The following DCDC2 variants were observed in gnomAD, a reference collection of about 807,000 sequenced individuals.
DCDC2 encodes the protein doublecortin domain-containing protein 2.
Under a neutral mutation model 50.2 loss-of-function variants are expected in DCDC2, and 40 were observed. The observed-to-expected ratio is 0.80, with a 90% confidence interval of 0.62 to 1.04. The LOEUF (loss-of-function observed/expected upper bound fraction) is 1.04. Among genes scored for constraint, DCDC2 ranks in the 50% least tolerant of loss-of-function variants. The pLI is 0.00. For synonymous variants in DCDC2, 234 were observed against 210.6 expected (o/e 1.11, Z -0.96); for missense variants, 570 against 581.9 (o/e 0.98, Z 0.21).
chr6:24,377,467 T>G, the DCDC2 span, among the ~76,000 whole-genome samples: 3 of 152,222 alleles, frequency 2.0e-5, no homozygotes, highest in African/African-American at 7.2e-5. Flanking sequence ...AACATTTGTA[T>G]CTATTTCATA....
intron 7 of DCDC2, 27 bp downstream of exon 7, chr6:24,278,022 G>A: frequency 6.4e-7 from 1 of 1,559,642 alleles, no homozygotes; most frequent in Non-Finnish European, 8.8e-7. Context: ...TTGTATCACA[G>A]CCTTAAGATA....
intron 7 of DCDC2, among the ~76,000 whole-genome samples, chr6:24,247,617 T>C (rs142854943): frequency 0.016 from 2,450 of 152,290 alleles, 42 homozygotes; most frequent in South Asian, 0.036. Context: ...CTCACAGATA[T>C]ATGCCGAGCT....
intron 2 of DCDC2, among the ~76,000 whole-genome samples, chr6:24,350,943 T>C (rs1357452571): frequency 6.6e-6 from 1 of 152,196 alleles, no homozygotes; most frequent in Admixed American, 6.5e-5. Flanking sequence ...ATCCTCCAAC[T>C]TATCAACTTG....
Position 24,290,970 on chromosome 6 carries a change from C to T in DCDC2, c.666G>A (p.Glu222=). The T allele has an allele frequency of 6.2e-7, 1 of 1,613,910 alleles. No homozygotes were observed. Among genetic ancestry groups the T allele is most frequent in the Middle Eastern group, 1.7e-4 (1 of 6,058 alleles). ...RDKFKKLPYS[E]LLFDKSTMRR... The stretch of plus-strand genomic sequence containing the variant: ...TCATCGTTGACTTGTCAAAAAGTAA[C>T]TCACTGTAAGGCAGTTTCTTAAACT... Residue 222 remains glutamate (E), a synonymous_variant, in exon 5 of 10, where the codon GAG becomes GAA. Coordinates refer to ENST00000378454, the MANE Select transcript of DCDC2 (RefSeq NM_016356.5).
chr6:24,363,895 T>C, the DCDC2 span, among the ~76,000 whole-genome samples: 18 of 152,334 alleles, frequency 1.2e-4, 1 homozygote, highest in African/African-American at 4.3e-4. Context: ...CTTAAAATTC[T>C]TCAAATCCTT....
intron 9 of DCDC2, among the ~76,000 whole-genome samples, chr6:24,177,565 G>T (rs1294144114): frequency 1.3e-5 from 2 of 152,192 alleles, no homozygotes; most frequent in South Asian, 2.1e-4. Flanking sequence ...CAGATGGTGA[G>T]AATGTTATGG....
At chr6:24,341,260 C>T (rs1760150141) in intron 2 of DCDC2, among the ~76,000 whole-genome samples, 1 of 152,200 alleles carries the variant, frequency 6.6e-6, no homozygotes, top group Non-Finnish European at 1.5e-5. Context: ...TTGTCTCTCT[C>T]CCACGATCCT....
In DCDC2 at chr6:24,271,207, C is replaced by CAA. The variant is rs543819229; in HGVS notation, c.922+6840_922+6841dup. ...TGGGTGACAGAGTGAGACACTCCCTCAAAAAAAAAAAAAAAAAAGAGAGAG... is the reference window on the plus strand; with the variant it reads ...TGGGTGACAGAGTGAGACACTCCCTCAAAAAAAAAAAAAAAAAAAAGAGAGAG... On this transcript the variant is annotated intron_variant, in intron 7 of 9. Transcript: ENST00000378454. Among the ~76,000 whole-genome samples, 28 of 39,406 alleles carry CAA rather than the reference C, an allele frequency of 7.1e-4. 4 individuals carry two copies. The South Asian group carries it at 8.4e-3, about 12-fold the overall frequency. The allele number at this position is 39,406 out of a possible 152,430, so 25.9% of individuals were successfully genotyped here.
At chr6:24,358,969 ATATTTTATACATT>A (rs1760566839), upstream of DCDC2, among the ~76,000 whole-genome samples, 1 of 80,964 alleles carries the variant, frequency 1.2e-5, no homozygotes, top group East Asian at 3.7e-4. Flanking sequence ...TATATATTAT[ATATTTTATACATT>A]ATATATTATA....
At chr6:24,381,479 C>A in the DCDC2 span, among the ~76,000 whole-genome samples, 4 of 152,166 alleles carry the variant, frequency 2.6e-5, no homozygotes, top group Non-Finnish European at 4.4e-5. Context: ...TAAATGATTT[C>A]TGCCTCAGCG....
chr6:24,292,586 A>C (rs1437790848), intron 4 of DCDC2, among the ~76,000 whole-genome samples: 1 of 152,230 alleles, frequency 6.6e-6, no homozygotes, highest in East Asian at 1.9e-4. Context: ...CCTTAACTTA[A>C]GCTGGACATG....
intron 7 of DCDC2, among the ~76,000 whole-genome samples, chr6:24,231,117 G>A (rs190597663): frequency 5.3e-4 from 81 of 152,338 alleles, no homozygotes; most frequent in African/African-American, 1.9e-3. Flanking sequence ...AAATGGGAGC[G>A]ATGAGAAGAG....
chr6:24,371,808 C>G, the DCDC2 span, among the ~76,000 whole-genome samples: 1 of 152,004 alleles, frequency 6.6e-6, no homozygotes, highest in East Asian at 1.9e-4. Context: ...AAAAAGTGGG[C>G]GAAGGATATG....
intron 7 of DCDC2, among the ~76,000 whole-genome samples, chr6:24,273,678 C>G (rs1763288871): frequency 6.6e-6 from 1 of 152,188 alleles, no homozygotes; most frequent in African/African-American, 2.4e-5. Context: ...TTACTGGGAA[C>G]CATGCAAGTG....
intron 8 of DCDC2, among the ~76,000 whole-genome samples, chr6:24,179,276 C>T (rs9348632): frequency 0.29 from 43,697 of 151,970 alleles, 7,093 homozygotes; most frequent in East Asian, 0.76. Context: ...GGGCCAGGCA[C>T]AGTGGTCACA....
At chr6:24,299,874 C>A (rs968161084) in intron 4 of DCDC2, among the ~76,000 whole-genome samples, 3 of 151,388 alleles carry the variant, frequency 2.0e-5, no homozygotes, top group Admixed American at 1.3e-4. Flanking sequence ...AGCCAAGATC[C>A]CACCATTGCA....
intron 4 of DCDC2, among the ~76,000 whole-genome samples, chr6:24,297,574 T>TTTTCATA (rs763990349): frequency 2.8e-4 from 42 of 152,222 alleles, no homozygotes; most frequent in Non-Finnish European, 5.6e-4. Flanking sequence ...TGTGTAAATT[T>TTTTCATA]TTTCATATTA....
intron 8 of DCDC2, among the ~76,000 whole-genome samples, chr6:24,180,438 C>T (rs1279747021): frequency 6.6e-6 from 1 of 151,998 alleles, no homozygotes; most frequent in African/African-American, 2.4e-5. Context: ...GCGCCCGCCA[C>T]CACGCCCGGC....
chr6:24,358,889 T>TA (rs1760552157), upstream of DCDC2, among the ~76,000 whole-genome samples: 2 of 18,026 alleles, frequency 1.1e-4, no homozygotes, highest in Non-Finnish European at 1.7e-4. Context: ...TTATATATAT[T>TA]TATATATATA....
Sources: gnomAD v4.1 joint callset for allele counts (sites outside exome capture counted in the v4.1 genomes callset) on GRCh38, gnomAD v4.1.1 for gene constraint, MANE v1.5 for transcripts, NCBI Gene and HGNC (gene_info 2026-07-23, HGNC 2026-07-21) for gene names.